LRIG2: variants seen among roughly 807,000 people sequenced by gnomAD.
LRIG2 encodes the protein leucine-rich repeats and immunoglobulin-like domains protein 2.
Under a neutral mutation model 107.8 loss-of-function variants are expected in LRIG2, and 93 were observed. The ratio of observed to expected loss-of-function variants is 0.86; its 90% confidence interval spans 0.73 to 1.03. LRIG2 has a LOEUF of 1.03. Among genes scored for constraint, LRIG2 ranks in the 50% least tolerant of loss-of-function variants. The probability of loss-of-function intolerance (pLI) is 0.00; values close to 1 mark genes in which losing one functional copy is unlikely to be tolerated. For synonymous variants in LRIG2, 471 were observed against 470.6 expected (o/e 1.00, Z -0.01); for missense variants, 1,226 against 1,296.0 (o/e 0.95, Z 0.83).
intron 8 of LRIG2, 126 bp downstream of exon 8, chr1:113,096,491 T>TA: frequency 1.0e-6 from 1 of 997,094 alleles, no homozygotes; most frequent in Non-Finnish European, 1.5e-6. Flanking sequence ...TCTTCTGTCC[T>TA]ATGCCTCAGA....
At chr1:113,076,603 TTC>T (rs754176658) in intron 1 of LRIG2, among the ~76,000 whole-genome samples, 17 of 152,222 alleles carry the variant, frequency 1.1e-4, no homozygotes, top group South Asian at 2.1e-4. Flanking sequence ...AAATGAAACA[TTC>T]TTCAGCAGTT....
chr1:113,093,982 T>G (rs1476700970), intron 4 of LRIG2, among the ~76,000 whole-genome samples: 1 of 152,154 alleles, frequency 6.6e-6, no homozygotes, highest in South Asian at 2.1e-4. Context: ...TTGGTAGATA[T>G]CAAGGGTAAT....
chr1:113,075,474 GAC>G (rs1021128881), intron 1 of LRIG2, among the ~76,000 whole-genome samples: 1 of 152,086 alleles, frequency 6.6e-6, no homozygotes, highest in Admixed American at 6.6e-5. Context: ...TCATGGTAGT[GAC>G]ACCTGTAGTC....
chr1:113,077,652 G>T (rs1345839119), intron 1 of LRIG2, among the ~76,000 whole-genome samples: 1 of 152,060 alleles, frequency 6.6e-6, no homozygotes, highest in Non-Finnish European at 1.5e-5. Context: ...ATGTTGAATA[G>T]CTCTAGGGAA....
chr1:113,128,038 TAGATA>T lies in LRIG2; in HGVS notation c.*3939_*3943del, dbSNP rs1557927746. The stretch of plus-strand genomic sequence containing the variant: ...CTCTTCTAAATCCAATATTACTCAC[TAGATA>T]ATTTCAGCCACTTAAATAAAAATAT... On this transcript the variant is annotated 3_prime_UTR_variant, in exon 18 of 18. Coordinates refer to ENST00000361127, the MANE Select transcript of LRIG2 (RefSeq NM_014813.3). 3.9e-5 allele frequency: 6 copies of T among 152,212 alleles called. No homozygotes were observed. The highest frequency in any genetic ancestry group is 8.8e-5 in the Non-Finnish European group (6 of 68,036). 9.4% of individuals were successfully genotyped at this position (152,212 alleles called of 1,614,324 possible).
At chr1:113,103,459 A>G (rs950178061) in intron 11 of LRIG2, 4 of 152,082 alleles carry the variant, frequency 2.6e-5, no homozygotes, top group African/African-American at 7.3e-5. Flanking sequence ...CTGTTTCCCT[A>G]CTGTCTCTCC....
chr1:113,116,590 A>G (rs1655026425), intron 16 of LRIG2, among the ~76,000 whole-genome samples, 154 bp downstream of exon 16: 1 of 152,232 alleles, frequency 6.6e-6, no homozygotes, highest in Non-Finnish European at 1.5e-5. Flanking sequence ...AAAATTGACT[A>G]AAGTCTTAAA....
chr1:113,114,251 C>T (rs1392656342), intron 14 of LRIG2, among the ~76,000 whole-genome samples, 176 bp from the exon 15 acceptor site: 1 of 151,882 alleles, frequency 6.6e-6, no homozygotes, highest in African/African-American at 2.4e-5. Context: ...CTGGAATTAT[C>T]GAGAAAAGAT....
intron 14 of LRIG2, 94 bp downstream of exon 14, chr1:113,112,854 C>A: frequency 8.6e-7 from 1 of 1,167,700 alleles, no homozygotes; most frequent in Non-Finnish European, 1.2e-6. Flanking sequence ...TTGAGATTAC[C>A]TCTGTGATTC....
intron 16 of LRIG2, among the ~76,000 whole-genome samples, chr1:113,118,630 A>G (rs1156406059): frequency 6.6e-6 from 1 of 151,724 alleles, no homozygotes; most frequent in Non-Finnish European, 1.5e-5. Flanking sequence ...TGGAGCCAGA[A>G]TGGCTGTTTC....
chr1:113,086,107 C>T (rs989435677), intron 1 of LRIG2, among the ~76,000 whole-genome samples: 2 of 147,274 alleles, frequency 1.4e-5, no homozygotes, highest in African/African-American at 5.0e-5. Flanking sequence ...CCTGTTCAAG[C>T]GATTCTCCTA....
Position 113,073,208 on chromosome 1 carries a change from T to A in LRIG2, c.-199T>A. On this transcript the variant is annotated 5_prime_UTR_variant, in exon 1 of 18. Coordinates refer to ENST00000361127, the MANE Select transcript of LRIG2 (RefSeq NM_014813.3). The stretch of plus-strand genomic sequence containing the variant: ...GCCGTGGGGAGGGGCGGACGAGAGG[T>A]GTCCGTCAGGCCGTGTGTCCCAGGC... 1.7e-6 allele frequency: 1 copy of A among 578,876 alleles called. No homozygotes were observed. 35.9% of individuals were successfully genotyped at this position (578,876 alleles called of 1,614,324 possible). A position where few individuals can be genotyped will look rare whatever the true frequency, so the allele number is the denominator to read the frequency against.
At chr1:113,089,941 C>T (rs193223385) in intron 1 of LRIG2, among the ~76,000 whole-genome samples, 31 of 151,282 alleles carry the variant, frequency 2.0e-4, no homozygotes, top group Middle Eastern at 3.5e-3. Context: ...GTGATCCACC[C>T]GCCTTGGCCT....
Position 113,115,747 on chromosome 1 carries a change from C to T in LRIG2, c.2531-540C>T, listed in dbSNP as rs554945989. On this transcript the variant is annotated intron_variant, in intron 15 of 17. Transcript: ENST00000361127. ...TTCACCATGTTGAACAGGATGGTCT[C>T]AATCTTTTGACCTCGTGATCCACCC... is the stretch of plus-strand genomic sequence containing the variant. 5.7e-4 allele frequency among the ~76,000 whole-genome samples: 87 copies of T among 152,104 alleles called. 1 individual carries two copies. The highest frequency in any genetic ancestry group is 2.1e-3 in the African/African-American group (87 of 41,492).
rs1353980430 is a variant in LRIG2 at position 113,130,528 on chromosome 1, A to G, written c.*6427A>G. 1.3e-5 allele frequency: 2 copies of G among 152,198 alleles called. No homozygotes were observed. The highest frequency in any genetic ancestry group is 2.9e-5 in the Non-Finnish European group (2 of 68,028). The allele number at this position is 152,198 out of a possible 1,614,324, so 9.4% of individuals were successfully genotyped here. On this transcript the variant is annotated 3_prime_UTR_variant, in exon 18 of 18. Coordinates refer to ENST00000361127, the MANE Select transcript of LRIG2 (RefSeq NM_014813.3). Reference sequence around the variant, plus strand: ...GTAGGCTCTTTAGTAAATTTATCTGATAATGGAATAATCAGCCTTTTTGGT... The same window carrying G: ...GTAGGCTCTTTAGTAAATTTATCTGGTAATGGAATAATCAGCCTTTTTGGT...
chr1:113,093,398 G>C (rs766810708), intron 3 of LRIG2, 32 bp from the exon 4 acceptor site: 1 of 1,610,464 alleles, frequency 6.2e-7, no homozygotes, highest in Non-Finnish European at 8.5e-7. Context: ...TGGATCAGTG[G>C]CAGCAGCTTC....
At chr1:113,110,145 G>T in intron 12 of LRIG2, 97 bp from the exon 13 acceptor site, 1 of 869,208 alleles carries the variant, frequency 1.2e-6, no homozygotes, top group Non-Finnish European at 1.7e-6. Flanking sequence ...ATGCCACTTT[G>T]TAAACAGAAC....
intron 17 of LRIG2, among the ~76,000 whole-genome samples, chr1:113,120,777 T>C (rs1033194030): frequency 1.3e-5 from 2 of 152,002 alleles, no homozygotes; most frequent in African/African-American, 4.8e-5. Flanking sequence ...CCCAAAGTGC[T>C]GGGATTACAG....
chr1:113,112,778 T>C lies in LRIG2; in HGVS notation c.2080+18T>C. 1.9e-6 allele frequency: 3 copies of C among 1,575,146 alleles called. No individual in the cohort carries two copies. Among genetic ancestry groups the C allele is most frequent in the African/African-American group, 1.3e-5 (1 of 74,088 alleles). Reference sequence around the variant, plus strand: ...AGTGTTAGGTACGTTTACTGCTCCATGGGTCCCTGCTTTTGTTGGAGTCTT... The same window carrying C: ...AGTGTTAGGTACGTTTACTGCTCCACGGGTCCCTGCTTTTGTTGGAGTCTT... On this transcript the variant is annotated intron_variant, in intron 14 of 17. Transcript: ENST00000361127.
Sources: allele counts gnomAD v4.1 joint callset (sites outside exome capture counted in the v4.1 genomes callset), GRCh38; gene constraint gnomAD v4.1.1; transcripts MANE v1.5; gene names NCBI Gene and HGNC (gene_info 2026-07-23, HGNC 2026-07-21).